The following KCNMB2 variants were observed in gnomAD, a reference collection of about 807,000 sequenced individuals.
KCNMB2 encodes the protein calcium-activated potassium channel subunit beta-2.
KCNMB2 carries 9 observed loss-of-function variants against 24.5 expected under a neutral mutation model. That is an observed-to-expected ratio of 0.37 (90% CI 0.22 to 0.64). The LOEUF is 0.64. Ranked by LOEUF, KCNMB2 falls within the 30% of genes least tolerant of loss-of-function variation. The pLI is 0.63. For synonymous variants in KCNMB2, 109 were observed against 104.4 expected, an observed-to-expected ratio of 1.04 and a Z score of -0.27; for missense variants, 226 against 284.3, an observed-to-expected ratio of 0.79 and a Z score of 1.47.
intron 1 of KCNMB2, among the ~76,000 whole-genome samples, chr3:178,662,755 T>G (rs1193791522): frequency 2.0e-5 from 3 of 152,140 alleles, no homozygotes; most frequent in East Asian, 1.9e-4. Context: ...TGATATAAAA[T>G]ATAATTATAA....
chr3:178,739,804 A>G (rs1280379025), intron 1 of KCNMB2, among the ~76,000 whole-genome samples: 2 of 152,132 alleles, frequency 1.3e-5, no homozygotes, highest in African/African-American at 2.4e-5. Context: ...AGATGAAGGG[A>G]ATATATAAAA....
chr3:178,597,169 T>A (rs1717907643), intron 1 of KCNMB2, among the ~76,000 whole-genome samples: 1 of 152,184 alleles, frequency 6.6e-6, no homozygotes, highest in South Asian at 2.1e-4. Flanking sequence ...GACATTCTTA[T>A]GCCTCTTTTC....
At chr3:178,817,228 A>ATATATATATAT (rs1553781212) in intron 2 of KCNMB2, among the ~76,000 whole-genome samples, 5 of 102,424 alleles carry the variant, frequency 4.9e-5, no homozygotes, top group East Asian at 4.9e-4. Context: ...TATATATATA[A>ATATATATATAT]ATGAAGTGTG....
intron 1 of KCNMB2, among the ~76,000 whole-genome samples, chr3:178,770,568 C>A (rs1482176272): frequency 2.6e-5 from 4 of 152,152 alleles, no homozygotes; most frequent in African/African-American, 9.7e-5. Flanking sequence ...ATTCTTGAGA[C>A]AAACTGACCA....
chr3:178,793,844 A>G (rs994217794), intron 1 of KCNMB2, among the ~76,000 whole-genome samples: 16 of 151,420 alleles, frequency 1.1e-4, no homozygotes, highest in African/African-American at 3.6e-4. Context: ...ACACCAAATC[A>G]CCCCTCCCAG....
At chr3:178,764,398 C>T (rs1392036102) in intron 1 of KCNMB2, among the ~76,000 whole-genome samples, 1 of 152,148 alleles carries the variant, frequency 6.6e-6, no homozygotes, top group African/African-American at 2.4e-5. Flanking sequence ...TTTTACTCTA[C>T]CTTTTCTATG....
intron 1 of KCNMB2, among the ~76,000 whole-genome samples, chr3:178,595,083 A>T (rs1717820692): frequency 6.6e-6 from 1 of 151,208 alleles, no homozygotes; most frequent in Non-Finnish European, 1.5e-5. Flanking sequence ...AAATCAATAC[A>T]TCAATACGAT....
intron 1 of KCNMB2, among the ~76,000 whole-genome samples, chr3:178,785,101 T>C (rs1488977137): frequency 6.6e-6 from 1 of 151,972 alleles, no homozygotes; most frequent in Admixed American, 6.6e-5. Context: ...ATGAAAAATA[T>C]TTTTAAAAAT....
At chr3:178,776,327 A>C (rs1712577207) in intron 1 of KCNMB2, among the ~76,000 whole-genome samples, 1 of 152,158 alleles carries the variant, frequency 6.6e-6, no homozygotes. Flanking sequence ...TCAGTCATCA[A>C]GCCCTGACCC....
rs573786064 is a variant in KCNMB2, at chr3:178,841,853, G to A, written c.424-800G>A. Reference sequence around the variant, plus strand: ...ATCAAAGTGTGTAGAAATACAGAGCGGAGAGACATGTAAAAGAGGTAGCCA... The same window carrying A: ...ATCAAAGTGTGTAGAAATACAGAGCAGAGAGACATGTAAAAGAGGTAGCCA... On this transcript the variant is annotated intron_variant, in intron 4 of 4. Transcript: ENST00000452583. 5.3e-4 allele frequency among the ~76,000 whole-genome samples: 81 copies of A among 152,228 alleles called. 2 individuals carry two copies. The South Asian group carries it at 1.0e-2, about 19-fold the overall frequency.
At chr3:178,807,091 C>T (rs532818315) in intron 1 of KCNMB2, among the ~76,000 whole-genome samples, 2 of 152,294 alleles carry the variant, frequency 1.3e-5, no homozygotes, top group African/African-American at 4.8e-5. Flanking sequence ...TAGAAAACCA[C>T]GTTCTCCTAA....
At chr3:178,787,074 G>A (rs1713135734) in intron 1 of KCNMB2, among the ~76,000 whole-genome samples, 1 of 152,080 alleles carries the variant, frequency 6.6e-6, no homozygotes, top group Non-Finnish European at 1.5e-5. Flanking sequence ...TGAGTTAATA[G>A]CATAGCTAGT....
chr3:178,675,233 C>T (rs1299620968), intron 1 of KCNMB2, among the ~76,000 whole-genome samples: 1 of 152,192 alleles, frequency 6.6e-6, no homozygotes, highest in Non-Finnish European at 1.5e-5. Flanking sequence ...GCCTAACAAG[C>T]CTCTTAATAA....
chr3:178,569,111 C>A (rs1716675708), intron 1 of KCNMB2, among the ~76,000 whole-genome samples: 1 of 152,012 alleles, frequency 6.6e-6, no homozygotes, highest in African/African-American at 2.4e-5. Flanking sequence ...GGCTCTTTTT[C>A]TTTTGGGTTG....
At chr3:178,758,930 G>A (rs370235578) in intron 1 of KCNMB2, among the ~76,000 whole-genome samples, 1 of 1,652 alleles carries the variant, frequency 6.1e-4, no homozygotes, top group Non-Finnish European at 1.0e-3. Flanking sequence ...TCTCCAAGAG[G>A]GATATATATA....
intron 1 of KCNMB2, among the ~76,000 whole-genome samples, chr3:178,802,637 T>C (rs993877695): frequency 6.6e-6 from 1 of 152,114 alleles, no homozygotes; most frequent in African/African-American, 2.4e-5. Context: ...CAAAAATACA[T>C]TAATGCCAGA....
intron 1 of KCNMB2, among the ~76,000 whole-genome samples, chr3:178,684,266 C>A (rs971040729): frequency 2.1e-5 from 3 of 143,114 alleles, no homozygotes; most frequent in Non-Finnish European, 3.0e-5. Flanking sequence ...ATTGCATAAT[C>A]TCAGTTATAT....
At chr3:178,700,255 A>G (rs1208673947) in intron 1 of KCNMB2, among the ~76,000 whole-genome samples, 1 of 152,264 alleles carries the variant, frequency 6.6e-6, no homozygotes, top group East Asian at 1.9e-4. Flanking sequence ...AAAAAATACC[A>G]GATCTTCTCA....
At chr3:178,573,370 A>T (rs994469411) in intron 1 of KCNMB2, among the ~76,000 whole-genome samples, 9 of 152,138 alleles carry the variant, frequency 5.9e-5, no homozygotes, top group African/African-American at 2.2e-4. Context: ...AGTAGTATAG[A>T]TATTAATAAG....
Sources: allele counts gnomAD v4.1 joint callset (sites outside exome capture counted in the v4.1 genomes callset), GRCh38; gene constraint gnomAD v4.1.1; transcripts MANE v1.5; gene names NCBI Gene and HGNC (gene_info 2026-07-23, HGNC 2026-07-21).